YES1: variants seen among roughly 807,000 people sequenced by gnomAD.
The protein encoded by YES1 is YES proto-oncogene 1, Src family tyrosine kinase.
A neutral mutation model predicts 70.4 loss-of-function variants in YES1; 39 were observed. The ratio of observed to expected loss-of-function variants is 0.55; its 90% CI spans 0.43 to 0.72. The LOEUF (loss-of-function observed/expected upper bound fraction) is 0.72. YES1 is among the 30% of genes least tolerant of loss of function. The pLI, the probability that YES1 is intolerant of heterozygous loss-of-function variation, is 0.00. For synonymous variants in YES1, 198 were observed against 218.6 expected (o/e 0.91, Z 0.83); for missense variants, 495 against 644.8 (o/e 0.77, Z 2.52).
intron 2 of YES1, among the ~76,000 whole-genome samples, chr18:754,397 C>A (rs2080379476): frequency 6.6e-6 from 1 of 152,012 alleles, no homozygotes; most frequent in Non-Finnish European, 1.5e-5. Flanking sequence ...ATAGGTGGGT[C>A]ATTCTCACTT....
intron 1 of YES1, among the ~76,000 whole-genome samples, chr18:772,148 C>T (rs1421966329): frequency 1.3e-5 from 2 of 151,686 alleles, no homozygotes; most frequent in East Asian, 3.9e-4. Flanking sequence ...CCTGCCTCAG[C>T]CTCCCAAATA....
At chr18:806,055 C>T (rs1011160675) in intron 1 of YES1, among the ~76,000 whole-genome samples, 4 of 152,160 alleles carry the variant, frequency 2.6e-5, no homozygotes, top group Admixed American at 6.5e-5. Flanking sequence ...AAAAGTACAC[C>T]TATGAATTAT....
chr18:744,257 C>A (rs1167595799), intron 6 of YES1, among the ~76,000 whole-genome samples: 2 of 151,828 alleles, frequency 1.3e-5, no homozygotes, highest in African/African-American at 4.8e-5. Flanking sequence ...CAAAGTTCTG[C>A]CTTTGTACAC....
intron 1 of YES1, among the ~76,000 whole-genome samples, chr18:758,632 G>A (rs1225685937): frequency 1.3e-5 from 2 of 151,984 alleles, no homozygotes; most frequent in African/African-American, 4.8e-5. Flanking sequence ...TTTCCATTCA[G>A]GCTTTCCTTA....
At chr18:786,011 CAAG>C (rs763734784) in intron 1 of YES1, among the ~76,000 whole-genome samples, 1 of 152,188 alleles carries the variant, frequency 6.6e-6, no homozygotes, top group African/African-American at 2.4e-5. Context: ...GATAACACAG[CAAG>C]AAGAAGGCCC....
chr18:786,999 T>G (rs1296351368), intron 1 of YES1, among the ~76,000 whole-genome samples: 1 of 145,272 alleles, frequency 6.9e-6, no homozygotes, highest in Non-Finnish European at 1.5e-5. Flanking sequence ...CTAGCACAAA[T>G]AATGAGAACT....
At chr18:764,802 G>A (rs1282012099) in intron 1 of YES1, among the ~76,000 whole-genome samples, 5 of 151,622 alleles carry the variant, frequency 3.3e-5, no homozygotes, top group Admixed American at 6.6e-5. Flanking sequence ...GCGCGATCTC[G>A]ACTCACTGTA....
chr18:776,443 G>A (rs919247439), intron 1 of YES1, among the ~76,000 whole-genome samples: 18 of 152,212 alleles, frequency 1.2e-4, no homozygotes, highest in African/African-American at 4.1e-4. Flanking sequence ...TACTAATGAA[G>A]TGGCACCTTT....
chr18:779,985 G>A (rs556889110), intron 1 of YES1, among the ~76,000 whole-genome samples: 2 of 151,090 alleles, frequency 1.3e-5, no homozygotes, highest in African/African-American at 4.9e-5. Flanking sequence ...TGTAATCCCA[G>A]CACTTTGGGA....
intron 8 of YES1, among the ~76,000 whole-genome samples, chr18:741,009 T>G (rs1225681733): frequency 1.3e-5 from 2 of 152,200 alleles, no homozygotes; most frequent in Non-Finnish European, 2.9e-5. Flanking sequence ...GCCATTCTCG[T>G]GCCTCAGCCT....
At chr18:786,738 C>A (rs867212706) in intron 1 of YES1, among the ~76,000 whole-genome samples, 4 of 152,132 alleles carry the variant, frequency 2.6e-5, no homozygotes, top group Non-Finnish European at 5.9e-5. Context: ...ATTTGCTGCA[C>A]ATCAAGTTTT....
At chr18:760,152 T>C (rs945606421) in intron 1 of YES1, among the ~76,000 whole-genome samples, 3 of 152,138 alleles carry the variant, frequency 2.0e-5, no homozygotes, top group South Asian at 2.1e-4. Flanking sequence ...TTATTGTGAA[T>C]AGTGCAATCT....
intron 1 of YES1, among the ~76,000 whole-genome samples, chr18:757,442 G>A (rs1023920965): frequency 4.0e-5 from 6 of 150,658 alleles, no homozygotes; most frequent in Non-Finnish European, 5.9e-5. Context: ...GGCGGAGCTT[G>A]CAGTGAGCAG....
chr18:773,871 G>A (rs761071355), intron 1 of YES1, among the ~76,000 whole-genome samples: 8 of 150,618 alleles, frequency 5.3e-5, no homozygotes, highest in African/African-American at 1.7e-4. Context: ...TTGCTCTGTC[G>A]CCCAGGCTAG....
At chr18:749,362 G>C (rs371801369) in intron 3 of YES1, among the ~76,000 whole-genome samples, 1 of 151,840 alleles carries the variant, frequency 6.6e-6, no homozygotes, top group Non-Finnish European at 1.5e-5. Context: ...GGTGGGAGTG[G>C]TGGCGTGTGC....
intron 10 of YES1, 145 bp downstream of exon 10, chr18:736,663 A>G (rs1253625524): frequency 8.2e-6 from 9 of 1,096,054 alleles, no homozygotes; most frequent in Non-Finnish European, 1.0e-5. Context: ...CCACAGCAGT[A>G]CATGATTTTA....
At chr18:732,725 G>T in intron 11 of YES1, 109 bp downstream of exon 11, 2 of 1,385,902 alleles carry the variant, frequency 1.4e-6, no homozygotes, top group Non-Finnish European at 1.0e-6. Context: ...AGAGGCAGGG[G>T]GACTATGAGA....
intron 3 of YES1, among the ~76,000 whole-genome samples, chr18:748,248 C>A (rs1050060851): frequency 6.6e-6 from 1 of 152,154 alleles, no homozygotes; most frequent in Admixed American, 6.5e-5. Flanking sequence ...CAAAATCCTA[C>A]ACACTTAGTT....
At chr18:756,019 C>A (rs1204795566) in intron 2 of YES1, among the ~76,000 whole-genome samples, 1 of 152,128 alleles carries the variant, frequency 6.6e-6, no homozygotes, top group Non-Finnish European at 1.5e-5. Flanking sequence ...TGGAATAGGA[C>A]AATAAATCTG....
Sources: allele counts gnomAD v4.1 joint callset (sites outside exome capture counted in the v4.1 genomes callset), GRCh38; gene constraint gnomAD v4.1.1; transcripts MANE v1.5; gene names NCBI Gene and HGNC (gene_info 2026-07-23, HGNC 2026-07-21).